Variants in INTS1 observed in about 807,000 individuals in gnomAD.
INTS1 encodes the protein integrator complex subunit 1.
Under a neutral mutation model 241.6 loss-of-function variants are expected in INTS1, and 137 were observed. The ratio of observed to expected loss-of-function variants is 0.57; its 90% CI spans 0.49 to 0.65. The LOEUF (loss-of-function observed/expected upper bound fraction) is 0.65, where lower values mean the gene tolerates loss of function less well. Among genes scored for constraint, INTS1 ranks in the 30% least tolerant of loss-of-function variants. The probability of loss-of-function intolerance (pLI) is 0.00; values close to 1 mark genes in which losing one functional copy is unlikely to be tolerated. For synonymous variants in INTS1, 1,692 were observed against 1,337.8 expected, an observed-to-expected ratio of 1.26 and a Z score of -5.78; for missense variants, 3,073 against 3,032.2, an observed-to-expected ratio of 1.01 and a Z score of -0.32.
chr7:1,502,812 G>T, intron 3 of INTS1, 89 bp downstream of exon 3: 1 of 1,421,710 alleles, frequency 7.0e-7, no homozygotes, highest in Non-Finnish European at 9.8e-7. Flanking sequence ...CATACGGGCA[G>T]CACTAGGCCT....
intron 22 of INTS1, among the ~76,000 whole-genome samples, chr7:1,486,167 C>T (rs1782256451): frequency 1.3e-5 from 2 of 152,074 alleles, no homozygotes; most frequent in African/African-American, 4.8e-5. Context: ...AACTCCTGGA[C>T]TCAAGTGATG....
chr7:1,503,756 G>C (rs542456485), intron 2 of INTS1, 147 bp downstream of exon 2: 490 of 623,846 alleles, frequency 7.9e-4, no homozygotes, highest in Non-Finnish European at 1.2e-3. Flanking sequence ...TGAGGACCGA[G>C]AGCAGTGTTT....
chr7:1,476,893 G>T lies in INTS1; in HGVS notation c.4964C>A (p.Ser1655Ter). The change falls in exon 36 of 48, where the codon TCG becomes TAG. Residue 1655 changes from serine (S) to a stop codon, truncating the protein, a stop_gained. Transcript: ENST00000404767. LOFTEE classifies it high-confidence loss of function. ...RKGKGQAQVP[S>*]FRPYLLTLFT... ...GAGGGTCAGGAGGTAGGGACGGAAC[G>T]AGGGCACCTGGGCCTGACCTTTGCC... The T allele has an allele frequency of 2.5e-6, 4 of 1,611,942 alleles. No individual in the cohort carries two copies. The highest frequency in any genetic ancestry group is 3.4e-6 in the Non-Finnish European group (4 of 1,179,630).
intron 33 of INTS1, 148 bp from the exon 34 acceptor site, chr7:1,478,084 C>G: frequency 1.1e-5 from 8 of 746,026 alleles, no homozygotes; most frequent in Admixed American, 2.5e-5. Flanking sequence ...GAGAGTGCAG[C>G]CGGGGCCGGA....
chr7:1,481,018 G>A lies in INTS1; in HGVS notation c.3851-85C>T. ...CCTCTCCACAGAAACCAGAGTTGGA[G>A]ATGCCCCCACCGTCACCAGCACTTC... On this transcript the variant is annotated intron_variant, in intron 28 of 47. Transcript: ENST00000404767. The surrounding 1 kb of genome is among the most constrained non-coding windows in gnomAD (Gnocchi z 6.8). The A allele has an allele frequency of 9.9e-7, 1 of 1,007,590 alleles. No individual in the cohort carries two copies. The highest frequency in any genetic ancestry group is 1.5e-6 in the Non-Finnish European group (1 of 656,110). The allele number at this position is 1,007,590 out of a possible 1,614,324, so 62.4% of individuals were successfully genotyped here. A position where few individuals can be genotyped will look rare whatever the true frequency, so the allele number is the denominator to read the frequency against.
chr7:1,489,477 C>A, intron 17 of INTS1, 73 bp from the exon 18 acceptor site: 2 of 1,552,664 alleles, frequency 1.3e-6, no homozygotes, highest in Non-Finnish European at 1.7e-6. Flanking sequence ...CTTCTCCCAG[C>A]TCCTCCTCTC....
Position 1,495,488 on chromosome 7 carries a change from G to C in INTS1, c.1777C>G (p.Leu593Val). The change falls in exon 13 of 48, where the codon CTC (leucine) becomes GTC (valine). Residue 593 changes from leucine (L) to valine (V), a missense_variant. Physicochemically the swap from Leu to Val is conservative, Grantham distance 32. Coordinates refer to ENST00000404767, the MANE Select transcript of INTS1 (RefSeq NM_001080453.3). ...CTGATGGAGGGGACCACAGTGTGGA[G>C]CCACCAGACGGCATCCCGCTGGATG... ...AAIQRDAVWW[L>V]HTVVPSISKL... 1 of 1,612,698 alleles carries C rather than the reference G, an allele frequency of 6.2e-7. No individual in the cohort carries two copies. Among genetic ancestry groups the C allele is most frequent in the Non-Finnish European group, 8.5e-7 (1 of 1,179,732 alleles).
chr7:1,491,247 C>T (rs1286532433), intron 16 of INTS1, among the ~76,000 whole-genome samples: 1 of 152,244 alleles, frequency 6.6e-6, no homozygotes, highest in Non-Finnish European at 1.5e-5. Flanking sequence ...AAGGCGAGCT[C>T]TGTGCTGCCC....
At position 1,476,538 on chromosome 7, in the gene INTS1, T is replaced by C. The variant is rs200088714; in HGVS notation, c.5151+32A>G. The C allele has an allele frequency of 7.3e-4, 1,176 of 1,607,650 alleles. 12 individuals are homozygous for C. In the African/African-American group the frequency reaches 0.014, roughly 19 times the overall value. On this transcript the variant is annotated intron_variant, in intron 37 of 47. Coordinates refer to ENST00000404767, the MANE Select transcript of INTS1 (RefSeq NM_001080453.3). ...CCCCTCTCCCGGATGGGCCACCCCC[T>C]CTCCCGGATGGGCCACCCTCCCAAG...
chr7:1,475,780 T>C (rs1296614313), intron 39 of INTS1, among the ~76,000 whole-genome samples, 168 bp downstream of exon 39: 1 of 152,110 alleles, frequency 6.6e-6, no homozygotes, highest in Non-Finnish European at 1.5e-5. Flanking sequence ...GCTCCCTCGG[T>C]ATAAAACTCA....
chr7:1,503,271 G>A, intron 2 of INTS1, 80 bp from the exon 3 acceptor site: 2 of 1,407,526 alleles, frequency 1.4e-6, no homozygotes, highest in Admixed American at 2.3e-5. Context: ...CTCCTGTTAT[G>A]TCAGAGGGGA....
At position 1,476,310 on chromosome 7, in the gene INTS1, A is replaced by G. The variant is rs1781714130; in HGVS notation, c.5297T>C (p.Leu1766Pro). 6.3e-7 allele frequency: 1 copy of G among 1,588,704 alleles called. No homozygotes were observed. The highest frequency in any genetic ancestry group is 8.6e-7 in the Non-Finnish European group (1 of 1,169,338). ...SLIQARLPLL[L>P]SCCCGDDESV... is the part of the protein sequence containing the mutation. ...CTCATCGTCCCCACAGCAGCAGCTG[A>G]GCAGCAGGGGCAGCCGGGCCTGGAT... Residue 1766 changes from leucine to proline, a missense_variant, in exon 38 of 48, where the codon CTC (leucine) becomes CCC (proline). By Grantham distance (98) the Leu-to-Pro change is moderately conservative. Transcript: ENST00000404767.
intron 42 of INTS1, 73 bp from the exon 43 acceptor site, chr7:1,473,257 G>A: frequency 9.2e-7 from 1 of 1,081,108 alleles, no homozygotes; most frequent in Non-Finnish European, 1.4e-6. Flanking sequence ...GGTCAAACTA[G>A]GGTGGCATGG....
chr7:1,476,555 C>T lies in INTS1; in HGVS notation c.5151+15G>A, dbSNP rs1239336937. On this transcript the variant is annotated intron_variant, in intron 37 of 47. Transcript: ENST00000404767. ...CCACCCCCTCTCCCGGATGGGCCAC[C>T]CTCCCAAGACCTGCCTGCGGGGTGC... The T allele has an allele frequency of 1.2e-6, 2 of 1,612,324 alleles. No homozygotes were observed. Among genetic ancestry groups the T allele is most frequent in the Non-Finnish European group, 1.7e-6 (2 of 1,179,804 alleles).
At chr7:1,489,727 C>G (rs1229243114) in intron 16 of INTS1, 45 bp from the exon 17 acceptor site, 4 of 1,372,558 alleles carry the variant, frequency 2.9e-6, no homozygotes, top group Non-Finnish European at 3.9e-6. Flanking sequence ...GCACCAAGCT[C>G]AGCGCCAAGG....
chr7:1,474,378 G>A lies in INTS1; in HGVS notation c.5637-18C>T, dbSNP rs967235054. 2 of 1,565,510 alleles carry A rather than the reference G, an allele frequency of 1.3e-6. No individual in the cohort carries two copies. Among genetic ancestry groups the A allele is most frequent in the Non-Finnish European group, 1.7e-6 (2 of 1,156,474 alleles). ...GCAGGTGCCTGCGGGCGCGGTGAGG[G>A]CCCAGTCAGCCCCGGCCGGCGGGCT... On this transcript the variant is annotated intron_variant, in intron 40 of 47. Coordinates refer to ENST00000404767, the MANE Select transcript of INTS1 (RefSeq NM_001080453.3).
At chr7:1,488,783 AC>A (rs1040123239) in intron 18 of INTS1, among the ~76,000 whole-genome samples, 1 of 152,212 alleles carries the variant, frequency 6.6e-6, no homozygotes, top group Non-Finnish European at 1.5e-5. Context: ...GCCCTCGCCC[AC>A]ACTGTGTGGG....
At chr7:1,486,214 G>A (rs190582581) in intron 22 of INTS1, among the ~76,000 whole-genome samples, 3 of 151,968 alleles carry the variant, frequency 2.0e-5, no homozygotes, top group African/African-American at 7.2e-5. Flanking sequence ...GGGATGACAA[G>A]AGCAAGCCAC....
rs1431885867 is a variant in INTS1, at chr7:1,478,375, T to C, written c.4621A>G (p.Ile1541Val). The C allele has an allele frequency of 6.2e-7, 1 of 1,612,334 alleles. No individual in the cohort carries two copies. Among genetic ancestry groups the C allele is most frequent in the Non-Finnish European group, 8.5e-7 (1 of 1,179,522 alleles). ...GEQCSVEPDLISKVLQGLIEV... is the reference protein window; with the variant it reads ...GEQCSVEPDLVSKVLQGLIEV... Reference sequence around the variant, plus strand: ...GGTGCCAGGAAGGTACCTTTGCTGATCAGGTCCGGCTCCACGCTGCACTGC... The same window carrying C: ...GGTGCCAGGAAGGTACCTTTGCTGACCAGGTCCGGCTCCACGCTGCACTGC... Residue 1541 changes from isoleucine to valine, a missense_variant, in exon 33 of 48, where the codon ATC becomes GTC. By Grantham distance (29) the Ile-to-Val change is conservative. Coordinates refer to ENST00000404767, the MANE Select transcript of INTS1 (RefSeq NM_001080453.3).
Sources: gnomAD v4.1 joint callset for allele counts (sites outside exome capture counted in the v4.1 genomes callset) on GRCh38, gnomAD v4.1.1 for gene constraint, Gnocchi (gnomAD v3.1) non-coding constraint, MANE v1.5 for transcripts, NCBI Gene and HGNC (gene_info 2026-07-23, HGNC 2026-07-21) for gene names.